TCTN1: variants seen among roughly 807,000 people sequenced by gnomAD.
TCTN1 encodes the protein tectonic family member 1.
In TCTN1, 58 loss-of-function variants were observed where a neutral mutation model predicts 65.8. The ratio of observed to expected loss-of-function variants is 0.88; its 90% CI spans 0.71 to 1.10. The LOEUF (loss-of-function observed/expected upper bound fraction) is 1.10. Among genes scored for constraint, TCTN1 ranks in the 50% least tolerant of loss-of-function variants. The probability of loss-of-function intolerance (pLI) is 0.00; values close to 1 mark genes in which losing one functional copy is unlikely to be tolerated. For synonymous variants in TCTN1, 273 were observed against 289.1 expected, an observed-to-expected ratio of 0.94 and a Z score of 0.57; for missense variants, 645 against 719.4, an observed-to-expected ratio of 0.90 and a Z score of 1.18.
intron 10 of TCTN1, chr12:110,641,931 G>A (rs917630937): frequency 5.5e-6 from 3 of 543,386 alleles, no homozygotes; most frequent in Non-Finnish European, 9.7e-6. Context: ...GTTTTACAAC[G>A]AAAATCTTAA....
intron 4 of TCTN1, 54 bp from the exon 5 acceptor site, chr12:110,632,418 G>A (rs1176315680): frequency 1.3e-6 from 2 of 1,592,742 alleles, no homozygotes; most frequent in East Asian, 2.2e-5. Context: ...CCCAGTAAGT[G>A]TTGAATGAAT....
intron 1 of TCTN1, among the ~76,000 whole-genome samples, chr12:110,619,350 C>T (rs1218607594): frequency 1.3e-5 from 2 of 152,032 alleles, no homozygotes; most frequent in African/African-American, 2.4e-5. Flanking sequence ...GCAGGTTATA[C>T]GTGAAGAGGG....
chr12:110,627,199 G>C (rs927382184), intron 3 of TCTN1, among the ~76,000 whole-genome samples: 11 of 150,500 alleles, frequency 7.3e-5, no homozygotes, highest in Admixed American at 6.7e-5. Flanking sequence ...CCGGGTTCAA[G>C]TGATTCTCCT....
At chr12:110,630,884 C>A (rs1178180241) in intron 4 of TCTN1, among the ~76,000 whole-genome samples, 1 of 152,184 alleles carries the variant, frequency 6.6e-6, no homozygotes, top group Non-Finnish European at 1.5e-5. Context: ...AGGGATGCAC[C>A]ATTGTCTCCA....
intron 12 of TCTN1, 165 bp from the exon 13 acceptor site, chr12:110,647,031 C>T (rs1566013111): frequency 1.3e-5 from 10 of 788,580 alleles, no homozygotes; most frequent in East Asian, 2.7e-5. Flanking sequence ...CATTGAGTTA[C>T]TTTAAAACAC....
chr12:110,630,739 G>A (rs2066177366), intron 4 of TCTN1, among the ~76,000 whole-genome samples: 1 of 152,164 alleles, frequency 6.6e-6, no homozygotes, highest in Non-Finnish European at 1.5e-5. Context: ...TATCCACATT[G>A]TTCTAGAAAA....
At chr12:110,646,300 G>GTGGAA (rs2067296175) in intron 12 of TCTN1, 1 of 150,852 alleles carries the variant, frequency 6.6e-6, no homozygotes, top group South Asian at 2.1e-4. Context: ...TTTAAAGGCG[G>GTGGAA]TTCCAAGCTA....
At position 110,632,574 on chromosome 12, in the gene TCTN1, A is replaced by T. The variant is rs2066304754; in HGVS notation, c.712+15A>T. 1 of 1,611,778 alleles carries T rather than the reference A, an allele frequency of 6.2e-7. No individual in the cohort carries two copies. On this transcript the variant is annotated intron_variant, in intron 5 of 14. Transcript: ENST00000397659. ...TAACCCTGCAGGTAAGAAAGTGGTC[A>T]TTCTTCTTTCCTTAGACATTTGCTG...
intron 5 of TCTN1, 61 bp downstream of exon 5, chr12:110,632,620 A>G: frequency 1.3e-6 from 2 of 1,579,206 alleles, no homozygotes. Flanking sequence ...GTTGGTGGAA[A>G]AGTAGTTGCG....
At chr12:110,621,186 T>C (rs1298822347) in intron 2 of TCTN1, among the ~76,000 whole-genome samples, 1 of 152,192 alleles carries the variant, frequency 6.6e-6, no homozygotes, top group Non-Finnish European at 1.5e-5. Flanking sequence ...CAGAGATAGC[T>C]AATTTAAATT....
intron 2 of TCTN1, among the ~76,000 whole-genome samples, chr12:110,623,773 G>T (rs2065618251): frequency 6.6e-6 from 1 of 151,986 alleles, no homozygotes; most frequent in African/African-American, 2.4e-5. Context: ...TTTGTTTTCT[G>T]TAGAGATCGG....
At chr12:110,628,522 G>A (rs1289008898) in intron 3 of TCTN1, among the ~76,000 whole-genome samples, 2 of 151,912 alleles carry the variant, frequency 1.3e-5, no homozygotes, top group Non-Finnish European at 2.9e-5. Context: ...TGTATTTTTA[G>A]TAGAGACAGG....
At chr12:110,642,452 T>C in intron 11 of TCTN1, 63 bp downstream of exon 11, 1 of 1,612,616 alleles carries the variant, frequency 6.2e-7, no homozygotes, top group Non-Finnish European at 8.5e-7. Flanking sequence ...ATTCTCACTT[T>C]TCCCCATTTT....
At chr12:110,637,671 G>A (rs2066669060) in intron 7 of TCTN1, among the ~76,000 whole-genome samples, 1 of 152,084 alleles carries the variant, frequency 6.6e-6, no homozygotes, top group African/African-American at 2.4e-5. Context: ...CTCCTCTTTG[G>A]TCCCAGTGAA....
At position 110,639,475 on chromosome 12, in the gene TCTN1, C is replaced by T. The variant is rs541645839; in HGVS notation, c.844-908C>T. On this transcript the variant is annotated intron_variant, in intron 7 of 14. Transcript: ENST00000397659. The surrounding 1 kb of genome is among the most constrained non-coding windows in gnomAD (Gnocchi z 4.9). ...GTGTGTGTGTGTATGTGTGTGTGAG[C>T]GTGCTTGCGCTTGTATAGAAGTTGT... 6.6e-6 allele frequency among the ~76,000 whole-genome samples: 1 copy of T among 151,298 alleles called. No individual in the cohort carries two copies. The highest frequency in any genetic ancestry group is 2.1e-4 in the South Asian group (1 of 4,738).
At chr12:110,630,238 CTG>C (rs1593291980) in intron 4 of TCTN1, 3 of 152,142 alleles carry the variant, frequency 2.0e-5, no homozygotes, top group Admixed American at 6.6e-5. Context: ...AAAAATAAAA[CTG>C]AATATTTGAA....
intron 9 of TCTN1, among the ~76,000 whole-genome samples, 185 bp from the exon 10 acceptor site, chr12:110,641,357 C>A (rs2066940464): frequency 6.6e-6 from 1 of 152,040 alleles, no homozygotes; most frequent in African/African-American, 2.4e-5. Context: ...TCCACATTAG[C>A]TTGTTCTTTT....
chr12:110,647,120 A>C, intron 12 of TCTN1, 76 bp from the exon 13 acceptor site: 3 of 1,561,928 alleles, frequency 1.9e-6, no homozygotes, highest in South Asian at 1.1e-5. Flanking sequence ...TAATATGTGA[A>C]ACCTTTTATA....
chr12:110,645,132 A>T lies in TCTN1; in HGVS notation c.1494+3A>T. ...TCACCCAGTCATTCAACAGGAAGGT[A>T]AAGGGGAGAAGGTACAGGTTCCATG... On this transcript the variant is annotated splice_donor_region_variant and intron_variant, in intron 12 of 14. Coordinates refer to ENST00000397659, the MANE Select transcript of TCTN1 (RefSeq NM_001082538.3). The T allele has an allele frequency of 6.2e-7, 1 of 1,613,798 alleles. No individual in the cohort carries two copies. Among genetic ancestry groups the T allele is most frequent in the Non-Finnish European group, 8.5e-7 (1 of 1,179,904 alleles).
Sources: gnomAD v4.1 joint callset for allele counts (sites outside exome capture counted in the v4.1 genomes callset) on GRCh38, gnomAD v4.1.1 for gene constraint, Gnocchi (gnomAD v3.1) non-coding constraint, MANE v1.5 for transcripts, NCBI Gene and HGNC (gene_info 2026-07-23, HGNC 2026-07-21) for gene names.